The following NCK2 variants were observed in gnomAD, a reference collection of about 807,000 sequenced individuals.
The protein encoded by NCK2 is NCK adaptor protein 2.
Under a neutral mutation model 33.9 loss-of-function variants are expected in NCK2, and 16 were observed. The observed-to-expected ratio is 0.47, with a 90% CI of 0.32 to 0.72. The LOEUF (loss-of-function observed/expected upper bound fraction) is 0.72. Among genes scored for constraint, NCK2 ranks in the 30% least tolerant of loss-of-function variants. NCK2 has a pLI of 0.03. For synonymous variants in NCK2, 273 were observed against 239.9 expected, an observed-to-expected ratio of 1.14 and a Z score of -1.27; for missense variants, 418 against 537.3, an observed-to-expected ratio of 0.78 and a Z score of 2.19.
chr2:105,812,341 G>C (rs1675320252), intron 1 of NCK2, among the ~76,000 whole-genome samples: 1 of 152,226 alleles, frequency 6.6e-6, no homozygotes, highest in South Asian at 2.1e-4. Flanking sequence ...CACATGGGTT[G>C]AACTTTGGCC....
At chr2:105,795,577 TC>T (rs1353361013) in intron 1 of NCK2, among the ~76,000 whole-genome samples, 3 of 152,240 alleles carry the variant, frequency 2.0e-5, no homozygotes, top group African/African-American at 7.2e-5. Context: ...ACATGTATGC[TC>T]CGTCAGTGGT....
chr2:105,873,257 G>A (rs1678088928), intron 3 of NCK2, among the ~76,000 whole-genome samples: 1 of 152,200 alleles, frequency 6.6e-6, no homozygotes, highest in Non-Finnish European at 1.5e-5. Context: ...CTCTCAGGAT[G>A]TTCTCTGACC....
In NCK2 at chr2:105,810,435, C is replaced by T. The variant is rs191194146; in HGVS notation, c.-200-5995C>T. On this transcript the variant is annotated intron_variant, in intron 1 of 4. Transcript: ENST00000233154. ...TCACTCTTCCCTCCCTCTTTCCTTC[C>T]TTCAGAAAAAGGGGGGTTTGCACAG... Among the ~76,000 whole-genome samples the T allele has an allele frequency of 8.6e-3, 1,307 of 152,192 alleles. 14 individuals are homozygous for T. Among genetic ancestry groups the T allele is most frequent in the Non-Finnish European group, 9.9e-3 (673 of 68,004 alleles).
At chr2:105,774,278 G>C (rs149004253) in intron 1 of NCK2, among the ~76,000 whole-genome samples, 26 of 152,122 alleles carry the variant, frequency 1.7e-4, no homozygotes, top group African/African-American at 6.0e-4. Context: ...TAAAGTGCTG[G>C]GATTACAGGT....
intron 1 of NCK2, among the ~76,000 whole-genome samples, chr2:105,746,041 C>G (rs1689275916): frequency 1.3e-5 from 2 of 152,100 alleles, no homozygotes; most frequent in South Asian, 2.1e-4. Context: ...GCTGGTGGAC[C>G]CCAGGCACCT....
In NCK2 at chr2:105,850,978, C is replaced by G. The variant is rs976553066; in HGVS notation, c.-16-4070C>G. 7.9e-5 allele frequency among the ~76,000 whole-genome samples: 12 copies of G among 152,296 alleles called. 1 individual carries two copies. The highest frequency in any genetic ancestry group is 3.4e-3 in the Middle Eastern group (1 of 294). On this transcript the variant is annotated intron_variant, in intron 2 of 4. Transcript: ENST00000233154. Reference sequence around the variant, plus strand: ...GCGTCCAAGGGATGCAACTTCAACTCTCGGCCAACAAGACCCTCCAGATGG... The same window carrying G: ...GCGTCCAAGGGATGCAACTTCAACTGTCGGCCAACAAGACCCTCCAGATGG...
chr2:105,853,774 G>C (rs922634220), intron 2 of NCK2: 1 of 152,208 alleles, frequency 6.6e-6, no homozygotes, highest in Non-Finnish European at 1.5e-5. Context: ...TATAGGCAAG[G>C]AGCAAAATAA....
chr2:105,891,532 A>ATTTT (rs757598660), intron 4 of NCK2, among the ~76,000 whole-genome samples: 7 of 81,348 alleles, frequency 8.6e-5, no homozygotes, highest in South Asian at 4.1e-4. Flanking sequence ...TAAAAGACCA[A>ATTTT]TTTTTTTTTT....
chr2:105,779,366 A>G (rs1690414974), intron 1 of NCK2, among the ~76,000 whole-genome samples: 1 of 152,114 alleles, frequency 6.6e-6, no homozygotes, highest in Admixed American at 6.5e-5. Flanking sequence ...ACTCCTGAAG[A>G]AAACAGAAAA....
At chr2:105,806,032 G>A (rs866917026) in intron 1 of NCK2, among the ~76,000 whole-genome samples, 7 of 151,950 alleles carry the variant, frequency 4.6e-5, no homozygotes, top group Admixed American at 6.5e-5. Flanking sequence ...GGTAAACTGT[G>A]TTGTGTGCCT....
chr2:105,808,197 CTCTT>C (rs1315187065), intron 1 of NCK2, among the ~76,000 whole-genome samples: 2 of 152,146 alleles, frequency 1.3e-5, no homozygotes, highest in East Asian at 1.9e-4. Flanking sequence ...TGTGCCTGGC[CTCTT>C]TCTTTGTTTC....
At chr2:105,857,541 T>C (rs1203334415) in intron 3 of NCK2, among the ~76,000 whole-genome samples, 1 of 152,260 alleles carries the variant, frequency 6.6e-6, no homozygotes, top group African/African-American at 2.4e-5. Context: ...GATCCTCTTC[T>C]GTAGAGTGTC....
In NCK2 at chr2:105,794,178, A is replaced by G. The variant is rs945943586; in HGVS notation, c.-200-22252A>G. ...ATTCTCCTGCTTCAGCCTCCCAAGTAGCTGGGATTACAGGCGCCTGCCACC... is the reference window on the plus strand; with the variant it reads ...ATTCTCCTGCTTCAGCCTCCCAAGTGGCTGGGATTACAGGCGCCTGCCACC... On this transcript the variant is annotated intron_variant, in intron 1 of 4. Coordinates refer to ENST00000233154, the MANE Select transcript of NCK2 (RefSeq NM_003581.5). 2.0e-5 allele frequency among the ~76,000 whole-genome samples: 3 copies of G among 151,098 alleles called. No homozygotes were observed. The East Asian group carries it at 5.9e-4, about 30-fold the overall frequency.
At chr2:105,750,279 T>C (rs1042538584) in intron 1 of NCK2, among the ~76,000 whole-genome samples, 8 of 152,186 alleles carry the variant, frequency 5.3e-5, no homozygotes, top group African/African-American at 1.9e-4. Flanking sequence ...TATAAGAACA[T>C]CTGTCCTGTT....
intron 2 of NCK2, among the ~76,000 whole-genome samples, chr2:105,835,408 T>TATATATATATATATATATATATACATAC (rs1553458610): frequency 0.011 from 458 of 41,196 alleles, 45 homozygotes; most frequent in Non-Finnish European, 0.024. Flanking sequence ...TATATATACG[T>TATATATATATATATATATATATACATAC]GTATATATAT....
At chr2:105,831,868 T>C (rs1258016776) in intron 2 of NCK2, among the ~76,000 whole-genome samples, 1 of 152,226 alleles carries the variant, frequency 6.6e-6, no homozygotes, top group East Asian at 1.9e-4. Flanking sequence ...TTTCTTTGGC[T>C]ATTTGAGGTC....
chr2:105,801,073 C>T (rs566393573), intron 1 of NCK2, among the ~76,000 whole-genome samples: 4 of 152,314 alleles, frequency 2.6e-5, no homozygotes, highest in African/African-American at 4.8e-5. Flanking sequence ...GAAAGCTGGG[C>T]GTGCTGAGCC....
intron 1 of NCK2, among the ~76,000 whole-genome samples, chr2:105,761,209 G>C (rs747086963): frequency 7.2e-5 from 11 of 152,224 alleles, no homozygotes; most frequent in Non-Finnish European, 1.2e-4. Context: ...GTTTGGGTGT[G>C]TATGGGAGCG....
At chr2:105,789,012 C>T (rs1414585930) in intron 1 of NCK2, among the ~76,000 whole-genome samples, 2 of 152,116 alleles carry the variant, frequency 1.3e-5, no homozygotes, top group East Asian at 3.9e-4. Flanking sequence ...TTAATGCACG[C>T]TTCTCTGCCA....
Sources: gnomAD v4.1 joint callset for allele counts (sites outside exome capture counted in the v4.1 genomes callset) on GRCh38, gnomAD v4.1.1 for gene constraint, MANE v1.5 for transcripts, NCBI Gene and HGNC (gene_info 2026-07-23, HGNC 2026-07-21) for gene names.